The following SATL1 variants were observed in gnomAD, a reference collection of about 807,000 sequenced individuals.
SATL1 encodes the protein spermidine/spermine N(1)-acetyltransferase-like protein 1.
Under a neutral mutation model 51.8 loss-of-function variants are expected in SATL1, and 47 were observed. The ratio of observed to expected loss-of-function variants is 0.91; its 90% CI spans 0.72 to 1.16. SATL1 has a LOEUF of 1.16. SATL1 is among the 50% of genes most tolerant of loss of function. SATL1 has a pLI of 0.00. For missense variants in SATL1, 520 were observed against 526.4 expected (o/e 0.99, Z 0.12); for synonymous variants, 176 against 182.4 (o/e 0.97, Z 0.28).
chrX:85,155,622 C>T (rs916622137), intron 2 of SATL1, among the ~76,000 whole-genome samples: 1 of 111,594 alleles, frequency 9.0e-6, no homozygotes, highest in African/African-American at 3.3e-5. Context: ...TTAGTTTGAG[C>T]TCCATTTTAT....
chrX:85,213,098 A>T (rs369155917), intron 2 of SATL1, among the ~76,000 whole-genome samples: 1 of 111,871 alleles, frequency 8.9e-6, no homozygotes, highest in Admixed American at 9.5e-5. Flanking sequence ...ATACCTATAT[A>T]TAAGTATTCA....
At chrX:85,140,151 C>T (rs1456683177) in intron 2 of SATL1, among the ~76,000 whole-genome samples, 1 of 112,275 alleles carries the variant, frequency 8.9e-6, no homozygotes, top group East Asian at 2.8e-4. Context: ...TAACAATCTA[C>T]ACATTTCTTG....
chrX:85,160,559 A>G (rs774791817), intron 2 of SATL1, among the ~76,000 whole-genome samples: 1 of 111,038 alleles, frequency 9.0e-6, no homozygotes, highest in East Asian at 2.8e-4. Flanking sequence ...AGAATACCAG[A>G]ATAGACCAAG....
chrX:85,207,365 G>A (rs1339136778), intron 2 of SATL1: 1 of 111,132 alleles, frequency 9.0e-6, no homozygotes, highest in Non-Finnish European at 1.9e-5. Context: ...AAATACACAG[G>A]GCTCCTACTC....
chrX:85,093,984 C>A lies in SATL1; in HGVS notation c.1876+144G>T, dbSNP rs922077349. ...TCACAATCACAGATTAGATCAAACT[C>A]ATTAGGATAGTGATCAAACTCATTA... is the stretch of plus-strand genomic sequence containing the variant. On this transcript the variant is annotated intron_variant, in intron 6 of 7. Coordinates refer to ENST00000644105, the MANE Select transcript of SATL1 (RefSeq NM_001367857.2). The A allele has an allele frequency of 4.4e-5, 17 of 382,516 alleles. No individual in the cohort carries two copies. The South Asian group carries it at 1.1e-3, about 24-fold the overall frequency. The allele number at this position is 382,516 out of a possible 1,213,427, so 31.5% of individuals were successfully genotyped here. A position where few individuals can be genotyped will look rare whatever the true frequency, so the allele number is the denominator to read the frequency against.
In SATL1 at chrX:85,163,394, C is replaced by A. The variant is rs781537100; in HGVS notation, c.-312-54114G>T. Among the ~76,000 whole-genome samples the A allele has an allele frequency of 5.4e-5, 6 of 110,876 alleles. No individual in the cohort carries two copies. In the East Asian group the frequency reaches 1.7e-3, roughly 31 times the overall value. ...GCCCCTTCAGACTTTTTTATGTAGG[C>A]ATTTAAGACTATGAACTTTTTTCTC... On this transcript the variant is annotated intron_variant, in intron 2 of 7. Transcript: ENST00000644105.
chrX:85,175,203 C>A (rs1339065398), intron 2 of SATL1, among the ~76,000 whole-genome samples: 3 of 111,339 alleles, frequency 2.7e-5, no homozygotes, highest in African/African-American at 9.8e-5. Flanking sequence ...TAGGGCACAC[C>A]CCAGCAATCT....
At chrX:85,159,526 A>C (rs1015586859) in intron 2 of SATL1, among the ~76,000 whole-genome samples, 1 of 111,629 alleles carries the variant, frequency 9.0e-6, no homozygotes, top group South Asian at 3.8e-4. Context: ...CCTACCCCCA[A>C]TAAATAGAAA....
chrX:85,122,926 C>T (rs939840037), intron 2 of SATL1, among the ~76,000 whole-genome samples: 2 of 111,586 alleles, frequency 1.8e-5, no homozygotes, highest in African/African-American at 6.5e-5. Context: ...TTTTCTGTTC[C>T]TGCATTAATT....
intron 2 of SATL1, chrX:85,153,796 G>C (rs1926524324): frequency 9.0e-6 from 1 of 111,166 alleles, no homozygotes; most frequent in South Asian, 3.8e-4. Context: ...GGAGTACTCT[G>C]GATCTGATTT....
chrX:85,230,411 C>T lies in SATL1; in HGVS notation c.-434-6085G>A, dbSNP rs1031911774. Among the ~76,000 whole-genome samples, 19 of 111,794 alleles carry T rather than the reference C, an allele frequency of 1.7e-4. 1 individual carries two copies. The highest frequency in any genetic ancestry group is 5.8e-4 in the African/African-American group (18 of 30,804). On this transcript the variant is annotated intron_variant, in intron 1 of 7. Coordinates refer to ENST00000644105, the MANE Select transcript of SATL1 (RefSeq NM_001367857.2). Reference sequence around the variant, plus strand: ...GGTCATTTCTTTATTTTATGTCATACACAAAAATCAACTATAAATGAATTA... The same window carrying T: ...GGTCATTTCTTTATTTTATGTCATATACAAAAATCAACTATAAATGAATTA...
At chrX:85,117,408 A>G (rs942975600) in intron 2 of SATL1, 1 of 111,641 alleles carries the variant, frequency 9.0e-6, no homozygotes, top group Non-Finnish European at 1.9e-5. Flanking sequence ...GTTTCATCTA[A>G]ATAAATACTT....
chrX:85,101,057 A>C (rs1924879670), intron 4 of SATL1, among the ~76,000 whole-genome samples: 1 of 112,314 alleles, frequency 8.9e-6, no homozygotes, highest in African/African-American at 3.2e-5. Context: ...AACTCAAAAT[A>C]GATCAAATAC....
At chrX:85,107,189 G>C (rs1925067018) in intron 3 of SATL1, 139 bp downstream of exon 3, 1 of 450,040 alleles carries the variant, frequency 2.2e-6, no homozygotes, top group Non-Finnish European at 3.8e-6. Context: ...AGAAAATGAA[G>C]AGTAAAGAGG....
chrX:85,188,067 G>A (rs1204592467), intron 2 of SATL1, among the ~76,000 whole-genome samples: 1 of 110,595 alleles, frequency 9.0e-6, no homozygotes, highest in South Asian at 3.8e-4. Flanking sequence ...GAAATTATCG[G>A]GTACATTTTT....
chrX:85,172,888 C>T (rs1232332900), intron 2 of SATL1, among the ~76,000 whole-genome samples: 2 of 111,064 alleles, frequency 1.8e-5, no homozygotes, highest in South Asian at 7.5e-4. Context: ...ATAAGATGGG[C>T]ATCTATATTA....
At chrX:85,113,797 CTT>C (rs1360634010) in intron 2 of SATL1, among the ~76,000 whole-genome samples, 1 of 111,838 alleles carries the variant, frequency 8.9e-6, no homozygotes, top group African/African-American at 3.2e-5. Context: ...TCAGATAAGA[CTT>C]TTTAAAACCT....
chrX:85,232,320 C>T (rs947831657), intron 1 of SATL1, among the ~76,000 whole-genome samples: 4 of 111,083 alleles, frequency 3.6e-5, no homozygotes, highest in South Asian at 7.8e-4. Flanking sequence ...CAGAGATGTG[C>T]TGGCTTAAGG....
intron 2 of SATL1, among the ~76,000 whole-genome samples, chrX:85,179,103 A>G (rs1927146002): frequency 1.8e-5 from 2 of 112,263 alleles, no homozygotes; most frequent in South Asian, 3.7e-4. Context: ...TGTGGCAAGT[A>G]TAACTAAGGA....
Sources: gnomAD v4.1 joint callset for allele counts (sites outside exome capture counted in the v4.1 genomes callset) on GRCh38, gnomAD v4.1.1 for gene constraint, MANE v1.5 for transcripts, NCBI Gene and HGNC (gene_info 2026-07-23, HGNC 2026-07-21) for gene names.